Variants in FAM110B observed in about 807,000 individuals in gnomAD.
FAM110B encodes family with sequence similarity 110 member B.
In FAM110B, 6 loss-of-function variants were observed where a neutral mutation model predicts 20.4. The ratio of observed to expected loss-of-function variants is 0.29; its 90% confidence interval spans 0.16 to 0.58. FAM110B has a LOEUF of 0.58. Ranked by LOEUF, FAM110B falls within the 20% of genes least tolerant of loss-of-function variation. The probability of loss-of-function intolerance (pLI) is 0.90; values close to 1 mark genes in which losing one functional copy is unlikely to be tolerated. For missense variants in FAM110B, 434 were observed against 498.2 expected (o/e 0.87, Z 1.23); for synonymous variants, 226 against 214.1 (o/e 1.06, Z -0.49).
chr8:58,079,054 A>G (rs1055272619), intron 3 of FAM110B, among the ~76,000 whole-genome samples: 1 of 152,104 alleles, frequency 6.6e-6, no homozygotes, highest in African/African-American at 2.4e-5. Flanking sequence ...TCAATGACTC[A>G]TCATCCTCTC....
chr8:58,122,731 G>T (rs1179270297), intron 3 of FAM110B, among the ~76,000 whole-genome samples: 1 of 151,830 alleles, frequency 6.6e-6, no homozygotes, highest in Admixed American at 6.6e-5. Context: ...AATGTCCTTT[G>T]CATATCTTGT....
intron 3 of FAM110B, among the ~76,000 whole-genome samples, chr8:58,101,201 A>T (rs1806772475): frequency 6.6e-6 from 1 of 151,952 alleles, no homozygotes; most frequent in African/African-American, 2.4e-5. Flanking sequence ...CCTGTTTACT[A>T]TTCCAAGTCT....
At chr8:58,128,232 C>G (rs1585909944) in intron 3 of FAM110B, among the ~76,000 whole-genome samples, 1 of 152,044 alleles carries the variant, frequency 6.6e-6, no homozygotes, top group African/African-American at 2.4e-5. Flanking sequence ...ATTCTCTTGT[C>G]CAGAGTCACA....
intron 2 of FAM110B, among the ~76,000 whole-genome samples, chr8:58,073,900 G>A (rs13273891): frequency 0.26 from 39,365 of 152,006 alleles, 6,200 homozygotes; most frequent in African/African-American, 0.44. Flanking sequence ...TTTGGAGGGG[G>A]AGTCCACTTT....
intron 3 of FAM110B, among the ~76,000 whole-genome samples, chr8:58,093,580 G>T (rs1250022538): frequency 6.6e-6 from 1 of 152,146 alleles, no homozygotes; most frequent in East Asian, 1.9e-4. Flanking sequence ...TTATTTCTGA[G>T]GCCTGTGTTC....
intron 3 of FAM110B, among the ~76,000 whole-genome samples, chr8:58,087,149 A>C (rs531998662): frequency 6.6e-6 from 1 of 152,330 alleles, no homozygotes; most frequent in East Asian, 1.9e-4. Context: ...TCAGCACATT[A>C]GATTTTCTGA....
chr8:58,077,410 T>C (rs1331152532), intron 3 of FAM110B, among the ~76,000 whole-genome samples: 1 of 152,110 alleles, frequency 6.6e-6, no homozygotes, highest in Admixed American at 6.5e-5. Context: ...TCCTCTCTCT[T>C]GTATGTGGCT....
chr8:58,125,531 C>A (rs562321886), intron 3 of FAM110B, among the ~76,000 whole-genome samples: 1 of 152,028 alleles, frequency 6.6e-6, no homozygotes, highest in African/African-American at 2.4e-5. Flanking sequence ...ATATTCTGAA[C>A]CATAATAATG....
chr8:58,103,736 C>T (rs966839771), intron 3 of FAM110B, among the ~76,000 whole-genome samples: 9 of 152,154 alleles, frequency 5.9e-5, no homozygotes, highest in African/African-American at 2.2e-4. Context: ...TCATGTCCCT[C>T]GGAATCTAAT....
At chr8:58,009,773 G>A (rs1804489697) in intron 1 of FAM110B, among the ~76,000 whole-genome samples, 1 of 152,140 alleles carries the variant, frequency 6.6e-6, no homozygotes, top group African/African-American at 2.4e-5. Flanking sequence ...CGAAGCAGAT[G>A]GTTGTGTACT....
rs1265749076 is a variant in FAM110B at position 58,081,079 on chromosome 8, G to A, written c.-325+5456G>A. ...TGTTGAGCCCTGCTGACTCCTCCTC[G>A]AGGGCTCATGCCTCAGCACAGCCCT... On this transcript the variant is annotated intron_variant, in intron 3 of 3. Coordinates refer to ENST00000519262, the MANE Select transcript of FAM110B (RefSeq NM_001377989.1). Among the ~76,000 whole-genome samples, 3 of 152,152 alleles carry A rather than the reference G, an allele frequency of 2.0e-5. No individual in the cohort carries two copies. The East Asian group carries it at 5.8e-4, about 29-fold the overall frequency.
At chr8:58,098,681 A>G (rs577293166) in intron 3 of FAM110B, among the ~76,000 whole-genome samples, 1 of 152,314 alleles carries the variant, frequency 6.6e-6, no homozygotes, top group South Asian at 2.1e-4. Context: ...CATAGGCACC[A>G]GAAGGAATCT....
In FAM110B at chr8:58,147,167, A is replaced by G; in HGVS notation, c.937A>G (p.Met313Val). 1 of 1,614,206 alleles carries G rather than the reference A, an allele frequency of 6.2e-7. No individual in the cohort carries two copies. Among genetic ancestry groups the G allele is most frequent in the Non-Finnish European group, 8.5e-7 (1 of 1,180,042 alleles). ...IISLNFRSASMISSDCEQSQD... is the reference protein window; with the variant it reads ...IISLNFRSASVISSDCEQSQD... ...ATCCCTCAACTTCCGCAGCGCAAGCATGATCAGCTCAGACTGTGAACAGTC... is the reference window on the plus strand; with the variant it reads ...ATCCCTCAACTTCCGCAGCGCAAGCGTGATCAGCTCAGACTGTGAACAGTC... Residue 313 changes from methionine to valine, a missense_variant, in exon 4 of 4, where the codon ATG (methionine) becomes GTG (valine). Physicochemically the swap from Met to Val is conservative, Grantham distance 21. This residue lies in a region of FAM110B where 94 missense variants were observed against 137.8 expected (regional missense o/e 0.68). Coordinates refer to ENST00000519262, the MANE Select transcript of FAM110B (RefSeq NM_001377989.1).
chr8:58,060,848 T>A (rs1054847771), intron 2 of FAM110B, among the ~76,000 whole-genome samples: 1 of 152,100 alleles, frequency 6.6e-6, no homozygotes, highest in Non-Finnish European at 1.5e-5. Flanking sequence ...ACCTAGGGCC[T>A]CTCAAGCATG....
At chr8:58,116,077 G>A (rs768062219) in intron 3 of FAM110B, among the ~76,000 whole-genome samples, 2 of 152,162 alleles carry the variant, frequency 1.3e-5, no homozygotes, top group African/African-American at 4.8e-5. Context: ...ATACTAGTAT[G>A]GAAGACATAC....
chr8:58,060,884 G>A (rs1805643901), intron 2 of FAM110B, among the ~76,000 whole-genome samples: 1 of 152,072 alleles, frequency 6.6e-6, no homozygotes, highest in African/African-American at 2.4e-5. Flanking sequence ...GTCCTCATCA[G>A]CGAGACCCAC....
At chr8:58,139,066 TAAAAC>T (rs1289222998) in intron 3 of FAM110B, among the ~76,000 whole-genome samples, 1 of 152,206 alleles carries the variant, frequency 6.6e-6, no homozygotes, top group East Asian at 1.9e-4. Flanking sequence ...AGTGCCTAAT[TAAAAC>T]AAAATAATGG....
chr8:57,996,198 T>A (rs1804182878), intron 1 of FAM110B, among the ~76,000 whole-genome samples: 1 of 152,252 alleles, frequency 6.6e-6, no homozygotes, highest in South Asian at 2.1e-4. Context: ...CGGTATTTAA[T>A]CTGTAGTATT....
At position 58,064,251 on chromosome 8, in the gene FAM110B, A is replaced by G. The variant is rs535821077; in HGVS notation, c.-413-11284A>G. Reference sequence around the variant, plus strand: ...TTTGGTGGAGACACAGACCCAAACCATATCAAAAGGATACCATGGTAAACA... The same window carrying G: ...TTTGGTGGAGACACAGACCCAAACCGTATCAAAAGGATACCATGGTAAACA... On this transcript the variant is annotated intron_variant, in intron 2 of 3. Transcript: ENST00000519262. Among the ~76,000 whole-genome samples, 7 of 152,320 alleles carry G rather than the reference A, an allele frequency of 4.6e-5. No homozygotes were observed. In the South Asian group the frequency reaches 8.3e-4, roughly 18 times the overall value.
Sources: gnomAD v4.1 joint callset for allele counts (sites outside exome capture counted in the v4.1 genomes callset) on GRCh38, gnomAD v4.1.1 for gene constraint, gnomAD v4.1.1 regional missense constraint, MANE v1.5 for transcripts, NCBI Gene and HGNC (gene_info 2026-07-23, HGNC 2026-07-21) for gene names.